Variants in PPP1CC observed in about 807,000 individuals in gnomAD.
PPP1CC encodes protein phosphatase 1 catalytic subunit gamma.
A neutral mutation model predicts 38.4 loss-of-function variants in PPP1CC; 16 were observed. The ratio of observed to expected loss-of-function variants is 0.42; its 90% CI spans 0.28 to 0.63. PPP1CC has a LOEUF of 0.63. PPP1CC is among the 30% of genes least tolerant of loss of function. The pLI, the probability that PPP1CC is intolerant of heterozygous loss-of-function variation, is 0.25. For missense variants in PPP1CC, 170 were observed against 391.3 expected, an observed-to-expected ratio of 0.43 and a Z score of 4.77; for synonymous variants, 158 against 136.0, an observed-to-expected ratio of 1.16 and a Z score of -1.13.
Position 110,737,477 on chromosome 12 carries a change from C to CAAAAAAA in PPP1CC, c.55+5169_55+5175dup, listed in dbSNP as rs71083137. ...CCAGCCTGGGTGACAAAGAAAGACT[C>CAAAAAAA]AAAAAAAAAAAAAAAAAAAAAAAAG... On this transcript the variant is annotated intron_variant, in intron 1 of 6. Transcript: ENST00000335007. Among the ~76,000 whole-genome samples, 56 of 42,456 alleles carry CAAAAAAA rather than the reference C, an allele frequency of 1.3e-3. 1 individual carries two copies. The highest frequency in any genetic ancestry group is 0.022 in the Middle Eastern group (1 of 46). 27.9% of individuals were successfully genotyped at this position (42,456 alleles called of 152,430 possible).
At chr12:110,730,455 G>A in intron 3 of PPP1CC, 74 bp downstream of exon 3, 1 of 1,142,790 alleles carries the variant, frequency 8.8e-7, no homozygotes, top group Non-Finnish European at 1.2e-6. Flanking sequence ...ATTCCTAACA[G>A]AAGTATGTGA....
chr12:110,726,900 C>T (rs2069805875), intron 3 of PPP1CC, among the ~76,000 whole-genome samples: 1 of 152,202 alleles, frequency 6.6e-6, no homozygotes, highest in South Asian at 2.1e-4. Context: ...CTTAGCTCCC[C>T]AGTGACAGTG....
chr12:110,716,036 G>A (rs943182670), downstream of PPP1CC, among the ~76,000 whole-genome samples: 1 of 152,164 alleles, frequency 6.6e-6, no homozygotes, highest in African/African-American at 2.4e-5. Flanking sequence ...TTGCTTTTTG[G>A]CTGGTCCTAC....
At chr12:110,739,750 C>T (rs1202312026) in intron 1 of PPP1CC, among the ~76,000 whole-genome samples, 1 of 152,090 alleles carries the variant, frequency 6.6e-6, no homozygotes, top group Non-Finnish European at 1.5e-5. Flanking sequence ...CAACCACCTG[C>T]TATGCAAAAA....
In PPP1CC at chr12:110,719,746, C is replaced by A; in HGVS notation, c.*1330G>T. ...GTTACAACTCAAAGAGTATTAGTAT[C>A]TGTATTATAATCCATCTTTGGAAAA... On this transcript the variant is annotated 3_prime_UTR_variant, in exon 7 of 7. Coordinates refer to ENST00000335007, the MANE Select transcript of PPP1CC (RefSeq NM_002710.4). 1 of 188,626 alleles carries A rather than the reference C, an allele frequency of 5.3e-6. No homozygotes were observed. The highest frequency in any genetic ancestry group is 1.1e-5 in the Non-Finnish European group (1 of 90,484). The allele number at this position is 188,626 out of a possible 1,614,324, so 11.7% of individuals were successfully genotyped here.
Position 110,727,997 on chromosome 12 carries a change from C to T in PPP1CC, c.418+2532G>A, listed in dbSNP as rs549063156. On this transcript the variant is annotated intron_variant, in intron 3 of 6. Transcript: ENST00000335007. Reference sequence around the variant, plus strand: ...AAACCGAAACTGATGCAGCCAGTATCATTACATTAGGATACACGTCACAAA... The same window carrying T: ...AAACCGAAACTGATGCAGCCAGTATTATTACATTAGGATACACGTCACAAA... Among the ~76,000 whole-genome samples the T allele has an allele frequency of 7.4e-4, 112 of 152,292 alleles. 1 individual carries two copies. In the South Asian group the frequency reaches 9.9e-3, roughly 14 times the overall value.
At chr12:110,727,578 A>G (rs1040641809) in intron 3 of PPP1CC, among the ~76,000 whole-genome samples, 7 of 151,768 alleles carry the variant, frequency 4.6e-5, no homozygotes, top group African/African-American at 1.7e-4. Flanking sequence ...ACCCAACAAC[A>G]TATACCTCAG....
chr12:110,712,683 C>T, the PPP1CC span, among the ~76,000 whole-genome samples: 1 of 145,512 alleles, frequency 6.9e-6, no homozygotes, highest in African/African-American at 2.5e-5. Flanking sequence ...GCACTGAAAT[C>T]CCCTTGATGA....
chr12:110,731,481 C>G (rs1349070493), intron 2 of PPP1CC, among the ~76,000 whole-genome samples: 1 of 152,044 alleles, frequency 6.6e-6, no homozygotes, highest in Admixed American at 6.6e-5. Flanking sequence ...CCTATACATC[C>G]ATGTAGTTCA....
chr12:110,721,434 T>C (rs906748789), intron 6 of PPP1CC: 19 of 275,050 alleles, frequency 6.9e-5, no homozygotes, highest in African/African-American at 4.2e-4. Context: ...TGGTAGTATC[T>C]TTAGCTACTC....
At chr12:110,723,590 G>T (rs886248223) in intron 4 of PPP1CC, among the ~76,000 whole-genome samples, 6 of 152,154 alleles carry the variant, frequency 3.9e-5, no homozygotes, top group Non-Finnish European at 7.4e-5. Flanking sequence ...GCTCACTGCA[G>T]CCTTAAACCC....
chr12:110,725,785 G>A (rs532827764), intron 3 of PPP1CC: 18 of 152,546 alleles, frequency 1.2e-4, no homozygotes, highest in African/African-American at 4.3e-4. Flanking sequence ...AGTTTGGCCA[G>A]GCGCGGTGGC....
At chr12:110,731,253 T>A (rs1216051131) in intron 2 of PPP1CC, among the ~76,000 whole-genome samples, 1 of 135,898 alleles carries the variant, frequency 7.4e-6, no homozygotes, top group Non-Finnish European at 1.5e-5. Flanking sequence ...TGCTAGATAA[T>A]GCCAAAGAAC....
chr12:110,715,406 C>T (rs185614778), downstream of PPP1CC, among the ~76,000 whole-genome samples: 1 of 151,262 alleles, frequency 6.6e-6, no homozygotes, highest in Admixed American at 6.6e-5. Flanking sequence ...TTGCAACCTC[C>T]GCCTCCCAGG....
At chr12:110,723,057 G>T (rs2069757898) in intron 4 of PPP1CC, among the ~76,000 whole-genome samples, 1 of 152,214 alleles carries the variant, frequency 6.6e-6, no homozygotes. Context: ...TATAATGACT[G>T]AGCTGAGAAG....
At chr12:110,732,395 CA>C (rs35138959) in intron 1 of PPP1CC, 20,587 of 139,278 alleles carry the variant, frequency 0.15, 2,836 homozygotes, top group African/African-American at 0.39. Context: ...GACTCCGTCT[CA>C]AAAAAAAAAA....
chr12:110,735,183 A>T (rs2069929323), intron 1 of PPP1CC, among the ~76,000 whole-genome samples: 1 of 150,756 alleles, frequency 6.6e-6, no homozygotes, highest in African/African-American at 2.4e-5. Context: ...CCTCCCAAGT[A>T]GCTGGGATTA....
intron 1 of PPP1CC, among the ~76,000 whole-genome samples, chr12:110,741,037 A>C (rs1407126707): frequency 6.6e-6 from 1 of 152,240 alleles, no homozygotes; most frequent in Non-Finnish European, 1.5e-5. Context: ...AATAAATTAA[A>C]GAACTATATT....
chr12:110,730,149 G>A (rs1411576664), intron 3 of PPP1CC, among the ~76,000 whole-genome samples: 1 of 152,250 alleles, frequency 6.6e-6, no homozygotes, highest in African/African-American at 2.4e-5. Context: ...CCTTGAGCCA[G>A]GAGTTTCAGA....
Sources: allele counts gnomAD v4.1 joint callset (sites outside exome capture counted in the v4.1 genomes callset), GRCh38; gene constraint gnomAD v4.1.1; transcripts MANE v1.5; gene names NCBI Gene and HGNC (gene_info 2026-07-23, HGNC 2026-07-21).